Variants in MYO3B observed in about 807,000 individuals in gnomAD.
MYO3B encodes myosin-IIIb.
Under a neutral mutation model 174.6 loss-of-function variants are expected in MYO3B, and 156 were observed. The ratio of observed to expected loss-of-function variants is 0.89; its 90% confidence interval spans 0.78 to 1.02. MYO3B has a LOEUF of 1.02. MYO3B is among the 50% of genes least tolerant of loss of function. The probability of loss-of-function intolerance (pLI) is 0.00; values close to 1 mark genes in which losing one functional copy is unlikely to be tolerated. For missense variants in MYO3B, 1,632 were observed against 1,639.4 expected (o/e 1.00, Z 0.08); for synonymous variants, 563 against 569.1 (o/e 0.99, Z 0.15).
intron 23 of MYO3B, among the ~76,000 whole-genome samples, chr2:170,460,735 C>T (rs1684234081): frequency 6.6e-6 from 1 of 152,224 alleles, no homozygotes; most frequent in African/African-American, 2.4e-5. Context: ...CTCCTGACCA[C>T]GTAGCCTTAT....
At position 170,187,374 on chromosome 2, in the gene MYO3B, A is replaced by G. The variant is rs566835456; in HGVS notation, c.2+9085A>G. On this transcript the variant is annotated intron_variant, in intron 1 of 34. Transcript: ENST00000408978. ...CAGCCTCCTGAGTAGCTGGGATTAC[A>G]GGTGTGTGCCAGCATACCTGGCTAA... is the stretch of plus-strand genomic sequence containing the variant. Among the ~76,000 whole-genome samples, 180 of 152,192 alleles carry G rather than the reference A, an allele frequency of 1.2e-3. 2 individuals are homozygous for G. The highest frequency in any genetic ancestry group is 4.2e-3 in the African/African-American group (174 of 41,508).
chr2:170,541,447 G>A (rs1050224767), intron 30 of MYO3B, among the ~76,000 whole-genome samples: 1 of 152,106 alleles, frequency 6.6e-6, no homozygotes, highest in African/African-American at 2.4e-5. Context: ...GCTCTACCAG[G>A]TATTTACCAT....
At chr2:170,256,873 A>C (rs2105342054) in intron 7 of MYO3B, among the ~76,000 whole-genome samples, 1 of 152,314 alleles carries the variant, frequency 6.6e-6, no homozygotes, top group Middle Eastern at 3.4e-3. Flanking sequence ...TCTCCCCTGT[A>C]ATGGCACCCA....
intron 32 of MYO3B, among the ~76,000 whole-genome samples, chr2:170,605,052 C>G (rs1355353512): frequency 6.6e-6 from 1 of 152,090 alleles, no homozygotes; most frequent in South Asian, 2.1e-4. Context: ...ACTAGAGAAC[C>G]CCTTTGGGTC....
intron 32 of MYO3B, among the ~76,000 whole-genome samples, chr2:170,590,926 G>C (rs569717179): frequency 6.6e-6 from 1 of 152,264 alleles, no homozygotes; most frequent in South Asian, 2.1e-4. Flanking sequence ...TTTGCAGTGG[G>C]ATCTTAGAGT....
rs900833688 is a variant in MYO3B, at chr2:170,463,262, T to C, written c.2731-106T>C. The C allele has an allele frequency of 1.7e-5, 14 of 818,046 alleles. 1 individual carries two copies. In the South Asian group the frequency reaches 2.3e-4, roughly 13 times the overall value. The allele number at this position is 818,046 out of a possible 1,614,324, so 50.7% of individuals were successfully genotyped here. On this transcript the variant is annotated intron_variant, in intron 23 of 34. Coordinates refer to ENST00000408978, the MANE Select transcript of MYO3B (RefSeq NM_138995.5). ...ATACACTATTGTGTCCTAAATACCATGGCCCCTCAGGTATTTGGCCAAACA... is the reference window on the plus strand; with the variant it reads ...ATACACTATTGTGTCCTAAATACCACGGCCCCTCAGGTATTTGGCCAAACA...
intron 8 of MYO3B, among the ~76,000 whole-genome samples, chr2:170,353,674 A>G (rs2094096564): frequency 6.6e-6 from 1 of 151,998 alleles, no homozygotes; most frequent in African/African-American, 2.4e-5. Context: ...GTATATGGGA[A>G]ATCTCTGTAC....
chr2:170,651,603 C>T (rs902344362), intron 32 of MYO3B, 25 bp from the exon 33 acceptor site: 2 of 1,603,596 alleles, frequency 1.2e-6, no homozygotes, highest in African/African-American at 1.3e-5. Flanking sequence ...GGACAGTTTA[C>T]AGCAAAGTTT....
At chr2:170,464,926 G>A (rs1203482687) in intron 24 of MYO3B, among the ~76,000 whole-genome samples, 2 of 151,896 alleles carry the variant, frequency 1.3e-5, no homozygotes, top group Non-Finnish European at 2.9e-5. Flanking sequence ...GAGTTCAGTG[G>A]TGCCATCTAG....
intron 8 of MYO3B, among the ~76,000 whole-genome samples, chr2:170,362,420 C>T (rs995953346): frequency 6.6e-6 from 1 of 152,170 alleles, no homozygotes; most frequent in African/African-American, 2.4e-5. Context: ...ATCTTTCCAA[C>T]CTTGCCCCAG....
intron 32 of MYO3B, chr2:170,646,834 A>T (rs2105469897): frequency 1.2e-6 from 1 of 823,818 alleles, no homozygotes; most frequent in East Asian, 5.2e-5. Flanking sequence ...TGTTAAATTG[A>T]AGCTGTTCGT....
intron 32 of MYO3B, among the ~76,000 whole-genome samples, chr2:170,609,608 G>A (rs1295179643): frequency 6.6e-6 from 1 of 152,222 alleles, no homozygotes; most frequent in African/African-American, 2.4e-5. Flanking sequence ...TAGACCAAAA[G>A]ACAATTTATT....
chr2:170,211,107 A>G (rs942144704), intron 3 of MYO3B, among the ~76,000 whole-genome samples: 2 of 152,206 alleles, frequency 1.3e-5, no homozygotes, highest in African/African-American at 4.8e-5. Flanking sequence ...CTGGGGTTCC[A>G]TGAGAAAAAC....
chr2:170,518,538 CA>C (rs1688464150), intron 29 of MYO3B, among the ~76,000 whole-genome samples: 1 of 152,170 alleles, frequency 6.6e-6, no homozygotes, highest in Non-Finnish European at 1.5e-5. Flanking sequence ...AGATCAATAT[CA>C]GAATGTCTAG....
intron 8 of MYO3B, among the ~76,000 whole-genome samples, chr2:170,367,451 C>T (rs577618765): frequency 1.8e-4 from 28 of 152,260 alleles, no homozygotes; most frequent in Admixed American, 3.9e-4. Context: ...CCATCCTACC[C>T]GTTCCCTCTG....
At chr2:170,504,454 G>A (rs189592612) in intron 28 of MYO3B, among the ~76,000 whole-genome samples, 6 of 152,178 alleles carry the variant, frequency 3.9e-5, no homozygotes, top group South Asian at 2.1e-4. Context: ...AAAAGCAGCC[G>A]TGCGGCTTAT....
At chr2:170,617,208 A>G (rs1157331050) in intron 32 of MYO3B, among the ~76,000 whole-genome samples, 2 of 152,220 alleles carry the variant, frequency 1.3e-5, no homozygotes, top group Non-Finnish European at 2.9e-5. Context: ...ATTAATGTAA[A>G]AATAAATTGT....
intron 7 of MYO3B, among the ~76,000 whole-genome samples, chr2:170,335,164 C>T (rs2093938538): frequency 6.6e-6 from 1 of 152,062 alleles, no homozygotes; most frequent in Non-Finnish European, 1.5e-5. Context: ...TTTCACAGGT[C>T]CTGAGAAGGC....
At chr2:170,519,572 T>A (rs1055197808) in intron 30 of MYO3B, 32 bp downstream of exon 30, 11 of 1,501,990 alleles carry the variant, frequency 7.3e-6, no homozygotes, top group Non-Finnish European at 1.0e-5. Flanking sequence ...TTCCCTGTTG[T>A]AAACTCAGGT....
Sources: allele counts gnomAD v4.1 joint callset (sites outside exome capture counted in the v4.1 genomes callset), GRCh38; gene constraint gnomAD v4.1.1; transcripts MANE v1.5; gene names NCBI Gene and HGNC (gene_info 2026-07-23, HGNC 2026-07-21).